CD109: variants seen among roughly 807,000 people sequenced by gnomAD.
CD109 encodes the protein CD109 antigen.
Under a neutral mutation model 165.8 loss-of-function variants are expected in CD109, and 149 were observed. The observed-to-expected ratio is 0.90, with a 90% CI of 0.79 to 1.03. The LOEUF (loss-of-function observed/expected upper bound fraction) is 1.03, where lower values mean the gene tolerates loss of function less well. Ranked by LOEUF, CD109 falls within the 50% of genes least tolerant of loss-of-function variation. The pLI, the probability that CD109 is intolerant of heterozygous loss-of-function variation, is 0.00. For synonymous variants in CD109, 585 were observed against 592.1 expected (o/e 0.99, Z 0.18); for missense variants, 1,712 against 1,677.8 (o/e 1.02, Z -0.36).
intron 15 of CD109, among the ~76,000 whole-genome samples, chr6:73,772,336 T>C (rs1774066541): frequency 6.6e-6 from 1 of 151,792 alleles, no homozygotes; most frequent in Middle Eastern, 3.2e-3. Context: ...AAACCCCATC[T>C]CTACTAAAAA....
chr6:73,783,630 T>A (rs982705989), intron 18 of CD109, 77 bp from the exon 19 acceptor site: 8 of 832,188 alleles, frequency 9.6e-6, no homozygotes, highest in East Asian at 7.4e-5. Flanking sequence ...CCAAAAATAG[T>A]TTAGATTATT....
the CD109 span, among the ~76,000 whole-genome samples, chr6:73,688,121 G>A: frequency 6.6e-6 from 1 of 152,152 alleles, no homozygotes; most frequent in East Asian, 1.9e-4. Flanking sequence ...TAGAAACTTT[G>A]TAAGAACTCA....
chr6:73,756,083 A>G (rs1166672920), intron 5 of CD109, among the ~76,000 whole-genome samples: 1 of 152,236 alleles, frequency 6.6e-6, no homozygotes. Flanking sequence ...AACAGTATCT[A>G]TTATAACCAC....
chr6:73,820,162 A>C (rs1374860126), intron 31 of CD109, among the ~76,000 whole-genome samples: 1 of 152,140 alleles, frequency 6.6e-6, no homozygotes, highest in African/African-American at 2.4e-5. Context: ...GGTGGGGTGC[A>C]CCATCTGAGA....
chr6:73,761,012 TAAACACACACACACAC>T (rs1197514860), intron 7 of CD109, among the ~76,000 whole-genome samples: 34 of 110,510 alleles, frequency 3.1e-4, no homozygotes, highest in African/African-American at 1.2e-3. Context: ...AGACTGTGTC[TAAACACACACACACAC>T]ACACACACAC....
At chr6:73,779,253 C>CTT (rs36008384) in intron 15 of CD109, among the ~76,000 whole-genome samples, 112 of 144,064 alleles carry the variant, frequency 7.8e-4, no homozygotes, top group East Asian at 7.0e-3. Context: ...AGCTTCATTT[C>CTT]TTTTTTTTTT....
intron 30 of CD109, among the ~76,000 whole-genome samples, chr6:73,815,699 G>T (rs76411216): frequency 6.6e-6 from 1 of 152,080 alleles, no homozygotes; most frequent in Non-Finnish European, 1.5e-5. Flanking sequence ...AAGCATCTGA[G>T]AATCTTGTTA....
chr6:73,755,023 A>G (rs1411698018), intron 5 of CD109, among the ~76,000 whole-genome samples: 1 of 152,358 alleles, frequency 6.6e-6, no homozygotes, highest in Non-Finnish European at 1.5e-5. Flanking sequence ...GAAACATCAT[A>G]ATTGTTACTT....
chr6:73,694,119 C>T (rs1006019932), upstream of CD109: 2 of 152,120 alleles, frequency 1.3e-5, no homozygotes, highest in South Asian at 2.1e-4. Flanking sequence ...GAACTCGTGA[C>T]CTTAGGTGAT....
intron 2 of CD109, among the ~76,000 whole-genome samples, chr6:73,715,879 A>AT (rs1250353555): frequency 5.9e-5 from 9 of 152,274 alleles, no homozygotes; most frequent in Non-Finnish European, 8.8e-5. Flanking sequence ...TTTTCTAACT[A>AT]TTTTTTGTGC....
At chr6:73,806,364 G>T (rs983820590) in intron 24 of CD109, among the ~76,000 whole-genome samples, 1 of 152,044 alleles carries the variant, frequency 6.6e-6, no homozygotes, top group South Asian at 2.1e-4. Context: ...ACCTGTTGTG[G>T]GGTGGGGGGA....
At chr6:73,762,250 C>T (rs541291871) in intron 7 of CD109, 134 bp from the exon 8 acceptor site, 157 of 633,212 alleles carry the variant, frequency 2.5e-4, no homozygotes, top group African/African-American at 1.7e-3. Context: ...CGTGAGCCAC[C>T]GCTCCCAGCC....
chr6:73,758,010 A>G (rs1419528649), intron 6 of CD109, among the ~76,000 whole-genome samples: 1 of 151,448 alleles, frequency 6.6e-6, no homozygotes, highest in Non-Finnish European at 1.5e-5. Flanking sequence ...CAAACCTATG[A>G]TGTTTGAGGA....
chr6:73,799,464 G>C (rs1562076491), intron 23 of CD109, among the ~76,000 whole-genome samples: 1 of 152,102 alleles, frequency 6.6e-6, no homozygotes, highest in Non-Finnish European at 1.5e-5. Flanking sequence ...GGTTTAATTG[G>C]CTCATGATTC....
chr6:73,768,745 C>T (rs1773937618), intron 14 of CD109, among the ~76,000 whole-genome samples: 1 of 152,148 alleles, frequency 6.6e-6, no homozygotes, highest in African/African-American at 2.4e-5. Context: ...TCCAAGTGCA[C>T]CAGTGCCTTT....
At chr6:73,754,969 T>A (rs1196185509) in intron 5 of CD109, among the ~76,000 whole-genome samples, 1 of 152,240 alleles carries the variant, frequency 6.6e-6, no homozygotes, top group Non-Finnish European at 1.5e-5. Flanking sequence ...GCATGTTGTA[T>A]TTACTCAATT....
At chr6:73,785,154 T>C (rs1774639853) in intron 19 of CD109, among the ~76,000 whole-genome samples, 1 of 152,186 alleles carries the variant, frequency 6.6e-6, no homozygotes, top group South Asian at 2.1e-4. Context: ...CTTAATAAAG[T>C]ATAGCAATTA....
At position 73,730,592 on chromosome 6, in the gene CD109, A is replaced by G. The variant is rs1200746926; in HGVS notation, c.507+18A>G. The G allele has an allele frequency of 6.6e-7, 1 of 1,521,924 alleles. No individual in the cohort carries two copies. The highest frequency in any genetic ancestry group is 1.4e-5 in the African/African-American group (1 of 72,840). The allele number at this position is 1,521,924 out of a possible 1,614,324, so 94.3% of individuals were successfully genotyped here. On this transcript the variant is annotated intron_variant, in intron 4 of 32. Coordinates refer to ENST00000287097, the MANE Select transcript of CD109 (RefSeq NM_133493.5). The stretch of plus-strand genomic sequence containing the variant: ...TCATTAAGGTAAGTGCCAGACAGAA[A>G]TGAAGCAAGGAATTCTAGCCATCTT...
At chr6:73,703,194 A>C (rs770772895) in intron 2 of CD109, among the ~76,000 whole-genome samples, 3 of 152,212 alleles carry the variant, frequency 2.0e-5, no homozygotes, top group South Asian at 2.1e-4. Context: ...AAGGTTTTCT[A>C]TTGCTGGGAA....
Sources: gnomAD v4.1 joint callset for allele counts (sites outside exome capture counted in the v4.1 genomes callset) on GRCh38, gnomAD v4.1.1 for gene constraint, MANE v1.5 for transcripts, NCBI Gene and HGNC (gene_info 2026-07-23, HGNC 2026-07-21) for gene names.